ZSCAN25: variants seen among roughly 807,000 people sequenced by gnomAD.
The protein encoded by ZSCAN25 is zinc finger and SCAN domain-containing protein 25.
A neutral mutation model predicts 38.7 loss-of-function variants in ZSCAN25; 27 were observed. The observed-to-expected ratio is 0.70, with a 90% confidence interval of 0.51 to 0.96. The LOEUF (loss-of-function observed/expected upper bound fraction) is 0.96. Among genes scored for constraint, ZSCAN25 ranks in the 40% least tolerant of loss-of-function variants. ZSCAN25 has a pLI of 0.00. For synonymous variants in ZSCAN25, 273 were observed against 277.7 expected (o/e 0.98, Z 0.17); for missense variants, 637 against 705.9 (o/e 0.90, Z 1.11).
chr7:99,657,559 G>T, the ZSCAN25 span, among the ~76,000 whole-genome samples: 237 of 152,318 alleles, frequency 1.6e-3, 2 homozygotes, highest in Admixed American at 3.8e-3. Flanking sequence ...TGTATATTCT[G>T]TTGATTTGGG....
At chr7:99,713,888 G>C in the ZSCAN25 span, among the ~76,000 whole-genome samples, 1 of 152,138 alleles carries the variant, frequency 6.6e-6, no homozygotes, top group Non-Finnish European at 1.5e-5. Context: ...AGCAGCTTTG[G>C]TGGGAGCACT....
chr7:99,632,595 G>A (rs1274609525), downstream of ZSCAN25, among the ~76,000 whole-genome samples: 2 of 152,148 alleles, frequency 1.3e-5, no homozygotes, highest in African/African-American at 2.4e-5. Context: ...AGAGGAGTTC[G>A]AGACCAGCCT....
the ZSCAN25 span, chr7:99,647,530 A>G: frequency 1.0e-6 from 1 of 985,486 alleles, no homozygotes; most frequent in Non-Finnish European, 1.2e-6. Context: ...ATAAGAAAAC[A>G]TGTTTCCTGT....
the ZSCAN25 span, among the ~76,000 whole-genome samples, chr7:99,737,527 C>T: frequency 3.9e-5 from 6 of 152,218 alleles, no homozygotes; most frequent in South Asian, 1.2e-3. Flanking sequence ...GTGCACAGAA[C>T]ACATTCTGAC....
chr7:99,677,328 G>A, the ZSCAN25 span: 5 of 808,684 alleles, frequency 6.2e-6, no homozygotes, highest in Non-Finnish European at 6.0e-6. Context: ...CTCCAGAGAG[G>A]CAAACTACAA....
rs79732343 is a variant in ZSCAN25, at chr7:99,628,484, T to C, written c.806-707T>C. Among the ~76,000 whole-genome samples, 236 of 152,274 alleles carry C rather than the reference T, an allele frequency of 1.5e-3. 3 individuals are homozygous for C. The highest frequency in any genetic ancestry group is 5.6e-3 in the African/African-American group (231 of 41,552). On this transcript the variant is annotated intron_variant, in intron 7 of 7. Transcript: ENST00000394152. ...AATATAAGAAGGATCAGAGTGAGGA[T>C]GAAGGAAGGGTGAAGCTGAGCATTT... is the stretch of plus-strand genomic sequence containing the variant.
At chr7:99,716,864 A>G in the ZSCAN25 span, among the ~76,000 whole-genome samples, 1 of 152,160 alleles carries the variant, frequency 6.6e-6, no homozygotes, top group African/African-American at 2.4e-5. Context: ...CATACACTCC[A>G]TGCTTAAAAC....
chr7:99,720,531 A>G, the ZSCAN25 span: 11 of 1,079,984 alleles, frequency 1.0e-5, no homozygotes, highest in African/African-American at 1.7e-4. Context: ...TACAATACAC[A>G]GTAATCTTAA....
At chr7:99,697,619 T>C in the ZSCAN25 span, among the ~76,000 whole-genome samples, 9 of 152,198 alleles carry the variant, frequency 5.9e-5, no homozygotes, top group African/African-American at 1.9e-4. Flanking sequence ...GAAGACCTTG[T>C]TTTCTCTTCT....
chr7:99,666,617 G>A, the ZSCAN25 span: 8 of 1,613,738 alleles, frequency 5.0e-6, no homozygotes, highest in African/African-American at 9.3e-5. Context: ...AAGGTGACAG[G>A]CTTGCCTTTC....
the ZSCAN25 span, among the ~76,000 whole-genome samples, chr7:99,678,370 A>ATCATATGG: frequency 6.6e-6 from 1 of 152,224 alleles, no homozygotes; most frequent in East Asian, 1.9e-4. Flanking sequence ...TCCTACCTGG[A>ATCATATGG]AGCCTTTGCT....
chr7:99,675,702 C>G, the ZSCAN25 span, among the ~76,000 whole-genome samples: 1 of 31,124 alleles, frequency 3.2e-5, no homozygotes, highest in Admixed American at 3.9e-4. Flanking sequence ...CTCTCTCTCT[C>G]TTTCTTTCTT....
the ZSCAN25 span, among the ~76,000 whole-genome samples, chr7:99,675,146 G>GACTT: frequency 6.6e-6 from 1 of 152,232 alleles, no homozygotes; most frequent in East Asian, 1.9e-4. Flanking sequence ...TGAGAAAGTA[G>GACTT]ACTTCCTTTC....
At chr7:99,617,389 C>T (rs542454787) in intron 1 of ZSCAN25, among the ~76,000 whole-genome samples, 2 of 152,222 alleles carry the variant, frequency 1.3e-5, no homozygotes, top group Non-Finnish European at 2.9e-5. Context: ...GATGAGCCAG[C>T]CTGGTCAACA....
At chr7:99,660,725 A>G in the ZSCAN25 span, 1 of 1,564,790 alleles carries the variant, frequency 6.4e-7, no homozygotes, top group African/African-American at 1.4e-5. Context: ...CTTAGATGAA[A>G]TCTAAGTGAA....
At chr7:99,735,275 G>A in the ZSCAN25 span, 37 of 762,768 alleles carry the variant, frequency 4.9e-5, no homozygotes, top group East Asian at 3.9e-4. Context: ...CAGGGCCCCC[G>A]TGCTCTGCCT....
intron 7 of ZSCAN25, among the ~76,000 whole-genome samples, chr7:99,624,697 G>A (rs1807314350): frequency 6.6e-6 from 1 of 152,198 alleles, no homozygotes; most frequent in South Asian, 2.1e-4. Flanking sequence ...AGGAAGCAGA[G>A]CTGCGCTGGG....
At chr7:99,621,352 G>A (rs753771474) in intron 4 of ZSCAN25, 21 bp from the exon 5 acceptor site, 11 of 1,332,238 alleles carry the variant, frequency 8.3e-6, no homozygotes, top group African/African-American at 1.5e-5. Flanking sequence ...CATTCTAATC[G>A]GTGTTGGGAA....
chr7:99,670,793 T>A, the ZSCAN25 span: 1 of 152,196 alleles, frequency 6.6e-6, no homozygotes, highest in African/African-American at 2.4e-5. Context: ...AACCAAAATA[T>A]CTGATGAGCA....
Sources: allele counts gnomAD v4.1 joint callset (sites outside exome capture counted in the v4.1 genomes callset), GRCh38; gene constraint gnomAD v4.1.1; transcripts MANE v1.5; gene names NCBI Gene and HGNC (gene_info 2026-07-23, HGNC 2026-07-21).